PRKAB1: variants seen among roughly 807,000 people sequenced by gnomAD.
The protein encoded by PRKAB1 is 5'-AMP-activated protein kinase subunit beta-1.
In PRKAB1, 18 loss-of-function variants were observed where a neutral mutation model predicts 32.0. The ratio of observed to expected loss-of-function variants is 0.56; its 90% CI spans 0.39 to 0.83. The LOEUF is 0.83. PRKAB1 is among the 40% of genes least tolerant of loss of function. The pLI, the probability that PRKAB1 is intolerant of heterozygous loss-of-function variation, is 0.00. For missense variants in PRKAB1, 263 were observed against 352.6 expected, an observed-to-expected ratio of 0.75 and a Z score of 2.03; for synonymous variants, 141 against 141.4, an observed-to-expected ratio of 1.00 and a Z score of 0.02.
rs1028736939 is a variant in PRKAB1, at chr12:119,679,834, C to T, written c.667-99C>T. ...ATTTGGGAAGAGAGGTCGGCCTGAGCGCTGCCTCCTGTCCTTTGATATCTG... is the reference window on the plus strand; with the variant it reads ...ATTTGGGAAGAGAGGTCGGCCTGAGTGCTGCCTCCTGTCCTTTGATATCTG... On this transcript the variant is annotated intron_variant, in intron 5 of 6. Transcript: ENST00000229328. The surrounding 1 kb of genome is among the most constrained non-coding windows in gnomAD (Gnocchi z 4.1). The T allele has an allele frequency of 6.1e-6, 8 of 1,313,370 alleles. No individual in the cohort carries two copies. Among genetic ancestry groups the T allele is most frequent in the African/African-American group, 4.4e-5 (3 of 68,954 alleles). The allele number at this position is 1,313,370 out of a possible 1,614,324, so 81.4% of individuals were successfully genotyped here.
At chr12:119,677,150 A>G (rs1955432022) in intron 5 of PRKAB1, among the ~76,000 whole-genome samples, 1 of 152,212 alleles carries the variant, frequency 6.6e-6, no homozygotes, top group African/African-American at 2.4e-5. Flanking sequence ...AAGAACAGCC[A>G]GTTCTGTTGT....
chr12:119,676,945 C>G (rs1955430575), intron 5 of PRKAB1, among the ~76,000 whole-genome samples: 1 of 152,258 alleles, frequency 6.6e-6, no homozygotes, highest in Non-Finnish European at 1.5e-5. Context: ...CATTTCATGA[C>G]AAACTGTATC....
rs753560304 is a variant in PRKAB1, at chr12:119,673,945, GCTTC to G, written c.324-15_324-12del. 6.2e-7 allele frequency: 1 copy of G among 1,607,990 alleles called. No homozygotes were observed. Among genetic ancestry groups the G allele is most frequent in the African/African-American group, 1.3e-5 (1 of 74,902 alleles). On this transcript the variant is annotated splice_polypyrimidine_tract_variant and intron_variant, in intron 2 of 6. Coordinates refer to ENST00000229328, the MANE Select transcript of PRKAB1 (RefSeq NM_006253.5). ...GCAGCCCACCCCACGGAAGTCCTCT[GCTTC>G]CTTTTTCCTTGCAGCCACAATAACT...
chr12:119,680,132 A>G, intron 6 of PRKAB1, 116 bp from the exon 7 acceptor site: 1 of 1,480,004 alleles, frequency 6.8e-7, no homozygotes, highest in Non-Finnish European at 9.4e-7. Context: ...CATCAGGCTC[A>G]GGTTCTGAAG....
chr12:119,676,011 C>T (rs535194153), intron 4 of PRKAB1, among the ~76,000 whole-genome samples: 1 of 152,290 alleles, frequency 6.6e-6, no homozygotes, highest in East Asian at 1.9e-4. Context: ...GTTAAAGAGC[C>T]TTTAGATATT....
chr12:119,676,836 G>A (rs1297572060), intron 5 of PRKAB1, among the ~76,000 whole-genome samples, 166 bp downstream of exon 5: 3 of 152,200 alleles, frequency 2.0e-5, no homozygotes, highest in Non-Finnish European at 1.5e-5. Context: ...ATAACAAGAG[G>A]TTCCCAGTGT....
In PRKAB1 at chr12:119,676,593, G is replaced by C; in HGVS notation, c.589G>C (p.Glu197Gln). 1 of 1,613,804 alleles carries C rather than the reference G, an allele frequency of 6.2e-7. No homozygotes were observed. Among genetic ancestry groups the C allele is most frequent in the Non-Finnish European group, 8.5e-7 (1 of 1,179,802 alleles). Residue 197 changes from glutamate (E) to glutamine (Q), a missense_variant, in exon 5 of 7, where the codon GAA becomes CAA. Transcript: ENST00000229328. Reference protein sequence around the residue: ...YHQEPYVCKPEERFRAPPILP... With the variant: ...YHQEPYVCKPQERFRAPPILP... Reference sequence around the variant, plus strand: ...TCAGGAGCCCTACGTCTGCAAACCCGAAGAGCGCTTTCGGGCACCCCCTAT... The same window carrying C: ...TCAGGAGCCCTACGTCTGCAAACCCCAAGAGCGCTTTCGGGCACCCCCTAT...
chr12:119,670,771 C>T (rs184017391), intron 1 of PRKAB1, among the ~76,000 whole-genome samples: 51 of 152,308 alleles, frequency 3.3e-4, no homozygotes, highest in Admixed American at 2.2e-3. Context: ...CTTTTAACTA[C>T]ACTAGGGTGC....
At position 119,668,163 on chromosome 12, in the gene PRKAB1, G is replaced by A; in HGVS notation, c.-82G>A. On this transcript the variant is annotated 5_prime_UTR_variant, in exon 1 of 7. Coordinates refer to ENST00000229328, the MANE Select transcript of PRKAB1 (RefSeq NM_006253.5). ...CTTCCGCAGGCTCCTTGGGACCCGC[G>A]GTTCCGGGAGTCCCTTGCTCAGGGT... The A allele has an allele frequency of 7.2e-7, 1 of 1,389,994 alleles. No individual in the cohort carries two copies. 86.1% of individuals were successfully genotyped at this position (1,389,994 alleles called of 1,614,324 possible).
Position 119,674,270 on chromosome 12 carries a change from TC to T in PRKAB1, c.418-68del. 1.5e-6 allele frequency: 2 copies of T among 1,318,676 alleles called. No individual in the cohort carries two copies. Among genetic ancestry groups the T allele is most frequent in the South Asian group, 2.6e-5 (2 of 77,642 alleles). 81.7% of individuals were successfully genotyped at this position (1,318,676 alleles called of 1,614,324 possible). ...GAGATGAGGCCTTCCAGCCAGGAAT[TC>T]CAAGTCCTCTGAAGAATAACTCCGC... is the stretch of plus-strand genomic sequence containing the variant. On this transcript the variant is annotated intron_variant, in intron 3 of 6. Coordinates refer to ENST00000229328, the MANE Select transcript of PRKAB1 (RefSeq NM_006253.5). The surrounding 1 kb of genome is among the most constrained non-coding windows in gnomAD (Gnocchi z 4.3).
chr12:119,669,260 G>A (rs1358893798), intron 1 of PRKAB1, among the ~76,000 whole-genome samples: 3 of 132,544 alleles, frequency 2.3e-5, no homozygotes, highest in Non-Finnish European at 3.2e-5. Context: ...GGTGCTGGCC[G>A]GTTCAGCCTA....
At chr12:119,673,532 A>G (rs1470480068) in intron 2 of PRKAB1, among the ~76,000 whole-genome samples, 1 of 152,212 alleles carries the variant, frequency 6.6e-6, no homozygotes, top group African/African-American at 2.4e-5. Context: ...TTCAGTCATT[A>G]GGCAAGTTTC....
rs1162877524 is a variant in PRKAB1 at position 119,668,382 on chromosome 12, C to T, written c.138C>T (p.Leu46=). The change falls in exon 1 of 7, where the codon CTC becomes CTT. Residue 46 remains leucine, a synonymous_variant. Transcript: ENST00000229328. ...TGGACAGCCCCGAAGACGCCGACCT[C>T]TTCCACTCCGAGGAAATCAAGGTGC... The part of the protein sequence containing the change: ...ILMDSPEDAD[L]FHSEEIKAPE... 2.5e-6 allele frequency: 4 copies of T among 1,613,520 alleles called. No individual in the cohort carries two copies. Among genetic ancestry groups the T allele is most frequent in the Non-Finnish European group, 3.4e-6 (4 of 1,179,730 alleles).
intron 1 of PRKAB1, chr12:119,669,823 C>T (rs1216058340): frequency 6.6e-6 from 1 of 152,240 alleles, no homozygotes; most frequent in Non-Finnish European, 1.5e-5. Flanking sequence ...GATCCGCCCG[C>T]CTGGGCCGCC....
chr12:119,671,399 T>C (rs1489312251), intron 1 of PRKAB1: 1 of 313,328 alleles, frequency 3.2e-6, no homozygotes, highest in African/African-American at 2.2e-5. Context: ...CGAGACTGGG[T>C]AATTTATAAA....
rs1018819059 is a variant in PRKAB1 at position 119,681,125 on chromosome 12, T to C, written c.*800T>C. 6.6e-6 allele frequency: 1 copy of C among 152,454 alleles called. No individual in the cohort carries two copies. Among genetic ancestry groups the C allele is most frequent in the East Asian group, 1.9e-4 (1 of 5,196 alleles). The allele number at this position is 152,454 out of a possible 1,614,324, so 9.4% of individuals were successfully genotyped here. A position where few individuals can be genotyped will look rare whatever the true frequency, so the allele number is the denominator to read the frequency against. ...AGGACTGACCAGTTAGCTGGCAGGT[T>C]GTCCAGCTTTTTATTCCAGTCATAA... On this transcript the variant is annotated 3_prime_UTR_variant, in exon 7 of 7. Coordinates refer to ENST00000229328, the MANE Select transcript of PRKAB1 (RefSeq NM_006253.5).
chr12:119,668,312 A>G lies in PRKAB1; in HGVS notation c.68A>G (p.Asp23Gly). 6.2e-7 allele frequency: 1 copy of G among 1,612,834 alleles called. No homozygotes were observed. The highest frequency in any genetic ancestry group is 8.5e-7 in the Non-Finnish European group (1 of 1,179,532). ...RHGGHKTPRRDSSGGTKDGDR... is the reference protein window; with the variant it reads ...RHGGHKTPRRGSSGGTKDGDR... The stretch of plus-strand genomic sequence containing the variant: ...GGTGGCCATAAGACGCCCCGGAGGG[A>G]CAGCTCGGGGGGCACCAAGGACGGG... Residue 23 changes from aspartate (D) to glycine (G), a missense_variant, in exon 1 of 7, where the codon GAC becomes GGC. Asp to Gly is a moderately conservative substitution (Grantham distance 94). Coordinates refer to ENST00000229328, the MANE Select transcript of PRKAB1 (RefSeq NM_006253.5).
At position 119,672,451 on chromosome 12, in the gene PRKAB1, C is replaced by A. The variant is rs1444126229; in HGVS notation, c.310C>A (p.Pro104Thr). ...GTCCTTCAACAACTGGAGTAAACTT[C>A]CCCTCACCAGAAGGTAATTGCCTGG... ...SGSFNNWSKL[P>T]LTRSHNNFVA... The change falls in exon 2 of 7, where the codon CCC becomes ACC. Residue 104 changes from proline (P) to threonine (T), a missense_variant. Coordinates refer to ENST00000229328, the MANE Select transcript of PRKAB1 (RefSeq NM_006253.5). 2 of 1,584,974 alleles carry A rather than the reference C, an allele frequency of 1.3e-6. No homozygotes were observed. The highest frequency in any genetic ancestry group is 1.7e-6 in the Non-Finnish European group (2 of 1,163,978).
chr12:119,674,406 G>C lies in PRKAB1; in HGVS notation c.484G>C (p.Val162Leu). The change falls in exon 4 of 7, where the codon GTA (valine) becomes CTA (leucine). Residue 162 changes from valine (V) to leucine (L), a missense_variant. By Grantham distance (32) the Val-to-Leu change is conservative. Coordinates refer to ENST00000229328, the MANE Select transcript of PRKAB1 (RefSeq NM_006253.5). This position sits in a 1 kb window ranked among gnomAD's most constrained non-coding sequence, Gnocchi z 4.3. ...IIQVKKTDFE[V>L]FDALMVDSQK... Reference sequence around the variant, plus strand: ...TCAAGTGAAGAAAACTGACTTTGAAGTATTTGATGCTTTAATGGTGGATTC... The same window carrying C: ...TCAAGTGAAGAAAACTGACTTTGAACTATTTGATGCTTTAATGGTGGATTC... The C allele has an allele frequency of 6.2e-7, 1 of 1,614,214 alleles. No individual in the cohort carries two copies. Among genetic ancestry groups the C allele is most frequent in the Non-Finnish European group, 8.5e-7 (1 of 1,180,022 alleles).
Sources: gnomAD v4.1 joint callset for allele counts (sites outside exome capture counted in the v4.1 genomes callset) on GRCh38, gnomAD v4.1.1 for gene constraint, Gnocchi (gnomAD v3.1) non-coding constraint, MANE v1.5 for transcripts, NCBI Gene and HGNC (gene_info 2026-07-23, HGNC 2026-07-21) for gene names.